The following RIC8B variants were observed in gnomAD, a reference collection of about 807,000 sequenced individuals.
RIC8B encodes chaperone Ric-8B.
Under a neutral mutation model 57.5 loss-of-function variants are expected in RIC8B, and 16 were observed. The observed-to-expected ratio is 0.28, with a 90% confidence interval of 0.19 to 0.42. The LOEUF (loss-of-function observed/expected upper bound fraction) is 0.42. RIC8B is among the 10% of genes least tolerant of loss of function. The pLI, the probability that RIC8B is intolerant of heterozygous loss-of-function variation, is 1.00. For missense variants in RIC8B, 481 were observed against 677.0 expected, an observed-to-expected ratio of 0.71 and a Z score of 3.21; for synonymous variants, 216 against 250.8, an observed-to-expected ratio of 0.86 and a Z score of 1.31.
intron 2 of RIC8B, among the ~76,000 whole-genome samples, chr12:106,794,864 A>G (rs1189133690): frequency 6.6e-6 from 1 of 152,234 alleles, no homozygotes; most frequent in Non-Finnish European, 1.5e-5. Context: ...TAATTATGTA[A>G]TTGTAGAAGT....
chr12:106,812,202 AT>A (rs1351930356), intron 2 of RIC8B, among the ~76,000 whole-genome samples: 2 of 152,188 alleles, frequency 1.3e-5, no homozygotes, highest in African/African-American at 4.8e-5. Flanking sequence ...AACAACTATG[AT>A]TAAAAACTGT....
chr12:106,798,102 G>C (rs1417919729), intron 2 of RIC8B: 1 of 715,742 alleles, frequency 1.4e-6, no homozygotes. Flanking sequence ...TAGTGAAGAA[G>C]ATAGCTGTGT....
intron 4 of RIC8B, 97 bp from the exon 5 acceptor site, chr12:106,842,492 G>T (rs1391584232): frequency 1.1e-6 from 1 of 912,502 alleles, no homozygotes; most frequent in Non-Finnish European, 1.6e-6. Flanking sequence ...TATTTTAATT[G>T]ACTCTTAAAA....
At chr12:106,857,419 G>T (rs1949755689) in intron 7 of RIC8B, among the ~76,000 whole-genome samples, 1 of 152,160 alleles carries the variant, frequency 6.6e-6, no homozygotes, top group South Asian at 2.1e-4. Flanking sequence ...ACCCACATTT[G>T]TGTAACTGTC....
At chr12:106,789,273 CA>C (rs2044164902) in intron 2 of RIC8B, among the ~76,000 whole-genome samples, 1 of 152,184 alleles carries the variant, frequency 6.6e-6, no homozygotes, top group African/African-American at 2.4e-5. Context: ...AGCCATTCAA[CA>C]AGTCTCTAGG....
At chr12:106,869,582 A>G (rs1242950542) in intron 8 of RIC8B, among the ~76,000 whole-genome samples, 2 of 152,134 alleles carry the variant, frequency 1.3e-5, no homozygotes, top group Non-Finnish European at 2.9e-5. Context: ...GTTTATGTTC[A>G]TAGACCCTAG....
chr12:106,876,740 T>C (rs1269620645), intron 9 of RIC8B, among the ~76,000 whole-genome samples: 1 of 152,140 alleles, frequency 6.6e-6, no homozygotes, highest in Non-Finnish European at 1.5e-5. Flanking sequence ...AAATGGTTTT[T>C]GACTAGTAGA....
intron 8 of RIC8B, among the ~76,000 whole-genome samples, chr12:106,870,247 T>G (rs183180614): frequency 2.0e-4 from 31 of 152,332 alleles, no homozygotes; most frequent in African/African-American, 7.2e-4. Flanking sequence ...ATCCCTTTTT[T>G]TGTCTAGGCC....
intron 9 of RIC8B, 51 bp downstream of exon 9, chr12:106,870,993 C>G: frequency 6.6e-7 from 1 of 1,519,348 alleles, no homozygotes; most frequent in Middle Eastern, 1.7e-4. Context: ...TGGTCTATTT[C>G]TTTGTCTCTC....
chr12:106,785,125 A>G (rs1351699191), intron 2 of RIC8B, among the ~76,000 whole-genome samples: 1 of 152,214 alleles, frequency 6.6e-6, no homozygotes, highest in African/African-American at 2.4e-5. Flanking sequence ...TTAACATGAC[A>G]TGCTGGGTGC....
chr12:106,877,146 AATATTT>A (rs1283417564), intron 9 of RIC8B, among the ~76,000 whole-genome samples: 2 of 152,060 alleles, frequency 1.3e-5, no homozygotes, highest in Non-Finnish European at 2.9e-5. Context: ...AAAAAAAACT[AATATTT>A]ATATAGTGCT....
intron 1 of RIC8B, among the ~76,000 whole-genome samples, chr12:106,782,857 A>G (rs1351550761): frequency 6.6e-6 from 1 of 152,208 alleles, no homozygotes; most frequent in Non-Finnish European, 1.5e-5. Context: ...TTGCCAGTAA[A>G]TATTTGTCAG....
chr12:106,843,323 G>C (rs1949036710), intron 5 of RIC8B, among the ~76,000 whole-genome samples: 1 of 152,114 alleles, frequency 6.6e-6, no homozygotes, highest in South Asian at 2.1e-4. Context: ...CCAAAATTTT[G>C]CTTCATTCAA....
At chr12:106,779,672 CAAAA>C (rs893708022) in intron 1 of RIC8B, among the ~76,000 whole-genome samples, 1 of 137,864 alleles carries the variant, frequency 7.3e-6, no homozygotes, top group Non-Finnish European at 1.5e-5. Flanking sequence ...CAGACACACA[CAAAA>C]AAAAATTTTT....
rs1429605560 is a variant in RIC8B, at chr12:106,858,305, CTCCT to C, written c.1307-1961_1307-1958del. Among the ~76,000 whole-genome samples, 13 of 151,880 alleles carry C rather than the reference CTCCT, an allele frequency of 8.6e-5. No individual in the cohort carries two copies. The East Asian group carries it at 2.1e-3, about 25-fold the overall frequency. On this transcript the variant is annotated intron_variant, in intron 7 of 9. Coordinates refer to ENST00000392837, the MANE Select transcript of RIC8B (RefSeq NM_001330145.2). ...TATTTCTTTTCTGGATCCACTAAAC[CTCCT>C]TGTTTGTTAAAAATAAGCTTTATCA...
chr12:106,862,921 C>T (rs1167872605), intron 8 of RIC8B, among the ~76,000 whole-genome samples: 1 of 152,120 alleles, frequency 6.6e-6, no homozygotes, highest in Non-Finnish European at 1.5e-5. Flanking sequence ...AGAAAATATA[C>T]TCATAGAATT....
intron 2 of RIC8B, among the ~76,000 whole-genome samples, chr12:106,794,381 A>G (rs2044384089): frequency 6.6e-6 from 1 of 152,206 alleles, no homozygotes; most frequent in Admixed American, 6.5e-5. Context: ...GAAAGAAAGG[A>G]GAAGAAAAAT....
intron 1 of RIC8B, among the ~76,000 whole-genome samples, chr12:106,776,241 C>T (rs186295975): frequency 2.6e-4 from 39 of 152,306 alleles, no homozygotes; most frequent in African/African-American, 8.7e-4. Flanking sequence ...TATCTTAGCT[C>T]CTTCACTTTC....
intron 7 of RIC8B, among the ~76,000 whole-genome samples, chr12:106,859,795 T>G (rs1949854132): frequency 6.6e-6 from 1 of 152,158 alleles, no homozygotes; most frequent in Non-Finnish European, 1.5e-5. Flanking sequence ...CTAATATTCT[T>G]CCTTAAGTTT....
Sources: allele counts gnomAD v4.1 joint callset (sites outside exome capture counted in the v4.1 genomes callset), GRCh38; gene constraint gnomAD v4.1.1; transcripts MANE v1.5; gene names NCBI Gene and HGNC (gene_info 2026-07-23, HGNC 2026-07-21).